C6orf89: variants seen among roughly 807,000 people sequenced by gnomAD.
C6orf89 encodes chromosome 6 open reading frame 89.
In C6orf89, 29 loss-of-function variants were observed where a neutral mutation model predicts 40.7. That is an observed-to-expected ratio of 0.71 (90% confidence interval 0.53 to 0.97). The LOEUF (loss-of-function observed/expected upper bound fraction) is 0.97. C6orf89 is among the 50% of genes least tolerant of loss of function. C6orf89 has a pLI of 0.00. For synonymous variants in C6orf89, 165 were observed against 152.2 expected, an observed-to-expected ratio of 1.08 and a Z score of -0.62; for missense variants, 392 against 429.1, an observed-to-expected ratio of 0.91 and a Z score of 0.76.
At chr6:36,920,041 G>A (rs1052895289) in intron 8 of C6orf89, among the ~76,000 whole-genome samples, 12 of 152,134 alleles carry the variant, frequency 7.9e-5, no homozygotes, top group African/African-American at 2.9e-4. Context: ...CCACCCCAAG[G>A]CCCCACTGTC....
chr6:36,894,345 G>C lies in C6orf89; in HGVS notation c.-119-159G>C, dbSNP rs543518042. Among the ~76,000 whole-genome samples the C allele has an allele frequency of 3.9e-5, 6 of 152,302 alleles. 1 individual carries two copies. The South Asian group carries it at 1.2e-3, about 32-fold the overall frequency. On this transcript the variant is annotated intron_variant, in intron 1 of 8. Transcript: ENST00000480824. ...AATGGGTTTTGACTGGGTATTGTTA[G>C]ATAATGAATTGTAACATATTTAAAT...
intron 2 of C6orf89, among the ~76,000 whole-genome samples, chr6:36,879,703 G>T (rs190973348): frequency 2.0e-5 from 3 of 152,012 alleles, no homozygotes; most frequent in African/African-American, 7.2e-5. Flanking sequence ...CCACAAGCTC[G>T]CTGGTCAATA....
At chr6:36,902,904 T>G (rs927143966) in intron 4 of C6orf89, among the ~76,000 whole-genome samples, 1 of 152,236 alleles carries the variant, frequency 6.6e-6, no homozygotes, top group African/African-American at 2.4e-5. Flanking sequence ...TCTTTCAGTT[T>G]AGTCCTTCTG....
Position 36,928,768 on chromosome 6 carries a change from G to A in C6orf89, c.*5327G>A, listed in dbSNP as rs1169627042. 6.6e-6 allele frequency: 1 copy of A among 152,210 alleles called. No individual in the cohort carries two copies. Among genetic ancestry groups the A allele is most frequent in the African/African-American group, 2.4e-5 (1 of 41,408 alleles). The allele number at this position is 152,210 out of a possible 1,614,324, so 9.4% of individuals were successfully genotyped here. On this transcript the variant is annotated 3_prime_UTR_variant, in exon 9 of 9. Coordinates refer to ENST00000480824, the MANE Select transcript of C6orf89 (RefSeq NM_001286635.2). ...GGAGCAGGGTGTGGTGGCCCTGGATGGTCCCAGGGAGCAGAGGGAGGCAGG... is the reference window on the plus strand; with the variant it reads ...GGAGCAGGGTGTGGTGGCCCTGGATAGTCCCAGGGAGCAGAGGGAGGCAGG...
At chr6:36,890,901 TA>T (rs1761181833) in intron 1 of C6orf89, among the ~76,000 whole-genome samples, 1 of 152,216 alleles carries the variant, frequency 6.6e-6, no homozygotes, top group Non-Finnish European at 1.5e-5. Flanking sequence ...TTTTAAATCG[TA>T]TTAATCATTT....
At position 36,871,916 on chromosome 6, in the gene C6orf89, G is replaced by A. The variant is rs181223547; in HGVS notation, c.-679G>A. ...ACAGCTCCAGTAAACAAAAAGGTCA[G>A]GGCAGACAGGAGTATTATGGAACTG... On this transcript the variant is annotated 5_prime_UTR_variant, in exon 1 of 10. Coordinates refer to the C6orf89 transcript ENST00000359359. The A allele has an allele frequency of 4.0e-6, 6 of 1,505,270 alleles. No individual in the cohort carries two copies. The African/African-American group carries it at 8.7e-5, about 22-fold the overall frequency. The allele number at this position is 1,505,270 out of a possible 1,614,324, so 93.2% of individuals were successfully genotyped here.
chr6:36,918,967 C>T (rs754092821), intron 7 of C6orf89, among the ~76,000 whole-genome samples: 2 of 152,178 alleles, frequency 1.3e-5, no homozygotes, highest in East Asian at 1.9e-4. Flanking sequence ...AGTTTTTAAT[C>T]GGTAGCATGG....
intron 7 of C6orf89, 63 bp downstream of exon 7, chr6:36,916,637 A>G (rs1243390291): frequency 6.3e-7 from 1 of 1,599,800 alleles, no homozygotes; most frequent in Non-Finnish European, 8.6e-7. Flanking sequence ...GACTGATGTC[A>G]TAACCAAGGC....
At chr6:36,886,212 G>A (rs753638755) in intron 1 of C6orf89, among the ~76,000 whole-genome samples, 184 bp downstream of exon 1, 2 of 152,182 alleles carry the variant, frequency 1.3e-5, no homozygotes, top group Non-Finnish European at 2.9e-5. Flanking sequence ...CAGCTCCCCC[G>A]GGGTCGACTC....
intron 2 of C6orf89, among the ~76,000 whole-genome samples, chr6:36,879,481 G>A (rs1774745136): frequency 6.6e-6 from 1 of 152,158 alleles, no homozygotes; most frequent in South Asian, 2.1e-4. Context: ...CAGCAAAAGA[G>A]TAAGAATTTC....
chr6:36,922,348 AAAAG>A (rs1423470078), intron 8 of C6orf89, among the ~76,000 whole-genome samples: 3 of 145,648 alleles, frequency 2.1e-5, no homozygotes, highest in African/African-American at 2.8e-5. Flanking sequence ...CTCAAAAAAA[AAAAG>A]AAAGAAAAAA....
In C6orf89 at chr6:36,914,620, G is replaced by A. The variant is rs1166923302; in HGVS notation, c.622G>A (p.Gly208Ser). ...FLCQYPEATE[G>S]FSEGFFAKWW... Reference sequence around the variant, plus strand: ...GTGCCAGTACCCTGAGGCGACAGAAGGCTTCTCTGAAGGGTTTTTCGCCAA... The same window carrying A: ...GTGCCAGTACCCTGAGGCGACAGAAAGCTTCTCTGAAGGGTTTTTCGCCAA... The change falls in exon 6 of 9, where the codon GGC (glycine) becomes AGC (serine). Residue 208 changes from glycine to serine, a missense_variant. Coordinates refer to ENST00000480824, the MANE Select transcript of C6orf89 (RefSeq NM_001286635.2). 4.3e-6 allele frequency: 7 copies of A among 1,614,154 alleles called. No homozygotes were observed. The highest frequency in any genetic ancestry group is 4.0e-5 in the African/African-American group (3 of 74,950).
In C6orf89 at chr6:36,894,539, C is replaced by G; in HGVS notation, c.-84C>G. 1.0e-6 allele frequency: 1 copy of G among 985,304 alleles called. No individual in the cohort carries two copies. The highest frequency in any genetic ancestry group is 1.2e-6 in the Non-Finnish European group (1 of 829,886). The allele number at this position is 985,304 out of a possible 1,614,324, so 61.0% of individuals were successfully genotyped here. On this transcript the variant is annotated 5_prime_UTR_variant, in exon 2 of 9. Transcript: ENST00000480824. ...AGTCAATCATTTTCCAGTTCTCAGCCGCTCAGTTGTGATCAAGGGACACGT... is the reference window on the plus strand; with the variant it reads ...AGTCAATCATTTTCCAGTTCTCAGCGGCTCAGTTGTGATCAAGGGACACGT...
intron 8 of C6orf89, among the ~76,000 whole-genome samples, chr6:36,923,071 C>A (rs1037760006): frequency 5.9e-5 from 9 of 152,144 alleles, no homozygotes; most frequent in African/African-American, 2.2e-4. Context: ...TGGCCCACAC[C>A]TGTAATCTCA....
chr6:36,880,485 C>A (rs958803586), intron 2 of C6orf89, among the ~76,000 whole-genome samples: 28 of 151,514 alleles, frequency 1.8e-4, no homozygotes, highest in Admixed American at 5.3e-4. Flanking sequence ...TTGGCTTAAA[C>A]AAAAATAAGC....
chr6:36,903,225 T>G (rs1761789605), intron 4 of C6orf89, among the ~76,000 whole-genome samples: 1 of 150,196 alleles, frequency 6.7e-6, no homozygotes, highest in African/African-American at 2.4e-5. Flanking sequence ...GCCTCCAATT[T>G]TGTGTGTGTG....
In C6orf89 at chr6:36,926,099, G is replaced by T. The variant is rs35819257; in HGVS notation, c.*2658G>T. ...GCTCTCTGAGGAGACAGGCTACTTT[G>T]GCCCCAGTTTGAAGCATTCTGTCCA... On this transcript the variant is annotated 3_prime_UTR_variant, in exon 9 of 9. Transcript: ENST00000480824. 0.071 allele frequency: 10,776 copies of T among 152,286 alleles called. 392 individuals carry two copies. The highest frequency in any genetic ancestry group is 0.1 in the South Asian group (486 of 4,824). 9.4% of individuals were successfully genotyped at this position (152,286 alleles called of 1,614,324 possible).
rs975140977 is a variant in C6orf89, at chr6:36,927,915, C to T, written c.*4474C>T. 3.3e-5 allele frequency: 5 copies of T among 152,284 alleles called. No homozygotes were observed. Among genetic ancestry groups the T allele is most frequent in the South Asian group, 2.1e-4 (1 of 4,832 alleles). 9.4% of individuals were successfully genotyped at this position (152,284 alleles called of 1,614,324 possible). ...GGAGACGGACAGGTGCTCTCCTTCTCGTGCACCACATCCAAGTCCACCCAC... is the reference window on the plus strand; with the variant it reads ...GGAGACGGACAGGTGCTCTCCTTCTTGTGCACCACATCCAAGTCCACCCAC... On this transcript the variant is annotated 3_prime_UTR_variant, in exon 9 of 9. Transcript: ENST00000480824.
At chr6:36,896,965 T>C (rs184370507) in intron 2 of C6orf89, among the ~76,000 whole-genome samples, 25 of 151,632 alleles carry the variant, frequency 1.6e-4, no homozygotes, top group Admixed American at 3.3e-4. Flanking sequence ...CCGTCTCTAC[T>C]AAAAATCCAA....
Sources: allele counts gnomAD v4.1 joint callset (sites outside exome capture counted in the v4.1 genomes callset), GRCh38; gene constraint gnomAD v4.1.1; transcripts MANE v1.5; gene names NCBI Gene and HGNC (gene_info 2026-07-23, HGNC 2026-07-21).